Variants in MGAT5B observed in about 807,000 individuals in gnomAD.
The protein encoded by MGAT5B is alpha-1,6-mannosylglycoprotein 6-beta-N-acetylglucosaminyltransferase B.
In MGAT5B, 54 loss-of-function variants were observed where a neutral mutation model predicts 95.1. The observed-to-expected ratio is 0.57, with a 90% CI of 0.46 to 0.71. MGAT5B has a LOEUF of 0.71. Among genes scored for constraint, MGAT5B ranks in the 30% least tolerant of loss-of-function variants. The pLI, the probability that MGAT5B is intolerant of heterozygous loss-of-function variation, is 0.00. For synonymous variants in MGAT5B, 464 were observed against 451.0 expected (o/e 1.03, Z -0.36); for missense variants, 935 against 1,088.6 (o/e 0.86, Z 1.99).
At position 76,949,232 on chromosome 17, in the gene MGAT5B, AG is replaced by A. The variant is rs1396881819; in HGVS notation, c.*397del. 1 of 214,042 alleles carries A rather than the reference AG, an allele frequency of 4.7e-6. No individual in the cohort carries two copies. The highest frequency in any genetic ancestry group is 9.4e-6 in the Non-Finnish European group (1 of 106,650). 13.3% of individuals were successfully genotyped at this position (214,042 alleles called of 1,614,324 possible). ...CCAGGATGGGGCCTCTAGACTTGCA[AG>A]GGAGAGGAACAGGGACCAGGCTGCC... On this transcript the variant is annotated 3_prime_UTR_variant, in exon 18 of 18. Transcript: ENST00000569840.
At chr17:76,880,686 G>A (rs555109422) in intron 2 of MGAT5B, among the ~76,000 whole-genome samples, 2 of 152,356 alleles carry the variant, frequency 1.3e-5, no homozygotes, top group South Asian at 4.1e-4. Flanking sequence ...TCACACAGGG[G>A]TCAGCGGGCA....
Position 76,903,256 on chromosome 17 carries a change from GCTC to G in MGAT5B, c.446-41_446-39del, listed in dbSNP as rs772055122. On this transcript the variant is annotated intron_variant, in intron 4 of 17. Transcript: ENST00000569840. ...CCCGCACGCAGGCCTCCCTCCCTGG[GCTC>G]CTCCTTGGACCAGGGACTTCAGCAA... 3 of 1,501,902 alleles carry G rather than the reference GCTC, an allele frequency of 2.0e-6. No individual in the cohort carries two copies. The Admixed American group carries it at 5.4e-5, about 27-fold the overall frequency. The allele number at this position is 1,501,902 out of a possible 1,614,324, so 93.0% of individuals were successfully genotyped here. A position where few individuals can be genotyped will look rare whatever the true frequency, so the allele number is the denominator to read the frequency against.
intron 2 of MGAT5B, among the ~76,000 whole-genome samples, chr17:76,876,941 C>A (rs1202133360): frequency 2.6e-5 from 4 of 152,208 alleles, no homozygotes; most frequent in Non-Finnish European, 5.9e-5. Flanking sequence ...GTTTCCTGCC[C>A]TTCCAGCCCT....
rs975219498 is a variant in MGAT5B, at chr17:76,912,598, C to T, written c.1025+6411C>T. 1.3e-5 allele frequency among the ~76,000 whole-genome samples: 2 copies of T among 151,812 alleles called. No individual in the cohort carries two copies. Among genetic ancestry groups the T allele is most frequent in the Admixed American group, 6.6e-5 (1 of 15,222 alleles). On this transcript the variant is annotated intron_variant, in intron 8 of 17. Transcript: ENST00000569840. The surrounding 1 kb of genome is among the most constrained non-coding windows in gnomAD (Gnocchi z 5.0). ...CCACTGATGGAGCAACAAGGCTGGA[C>T]GGATGAGCCGGTCCCGCTCTGCTCC...
rs1969135675 is a variant in MGAT5B, at chr17:76,921,900, C to T, written c.1026-3066C>T. Among the ~76,000 whole-genome samples, 4 of 152,182 alleles carry T rather than the reference C, an allele frequency of 2.6e-5. 1 individual carries two copies. In the South Asian group the frequency reaches 8.3e-4, roughly 32 times the overall value. On this transcript the variant is annotated intron_variant, in intron 8 of 17. Coordinates refer to ENST00000569840, the MANE Select transcript of MGAT5B (RefSeq NM_001199172.2). ...GGAACAGGATGAGAATGGGTCTGAT[C>T]TGGTAGGGTAGTTGCTAAGATGAAA...
chr17:76,913,306 A>C (rs1968809867), intron 8 of MGAT5B, among the ~76,000 whole-genome samples: 1 of 152,220 alleles, frequency 6.6e-6, no homozygotes, highest in Non-Finnish European at 1.5e-5. Flanking sequence ...CCCAGAGATC[A>C]GTTCTGGATA....
chr17:76,913,995 G>T (rs1968837203), intron 8 of MGAT5B: 1 of 344,984 alleles, frequency 2.9e-6, no homozygotes, highest in Non-Finnish European at 5.7e-6. Context: ...CAGCTACTCA[G>T]GCGACTGAGG....
chr17:76,921,445 G>C (rs542698852), intron 8 of MGAT5B, among the ~76,000 whole-genome samples: 2 of 151,924 alleles, frequency 1.3e-5, no homozygotes, highest in Non-Finnish European at 2.9e-5. Flanking sequence ...TTGCTCAGCA[G>C]GGGGCCCCTT....
intron 3 of MGAT5B, among the ~76,000 whole-genome samples, chr17:76,900,815 CAA>C (rs1968276366): frequency 6.6e-6 from 1 of 152,190 alleles, no homozygotes; most frequent in Admixed American, 6.5e-5. Flanking sequence ...TTGTTTTTGT[CAA>C]AGTTTGCCTT....
At chr17:76,885,773 C>G (rs1967606737) in intron 3 of MGAT5B, among the ~76,000 whole-genome samples, 1 of 152,210 alleles carries the variant, frequency 6.6e-6, no homozygotes, top group South Asian at 2.1e-4. Flanking sequence ...TGAAAGCCGC[C>G]TGCTCACACG....
rs966155702 is a variant in MGAT5B, at chr17:76,889,240, T to G, written c.329+6942T>G. On this transcript the variant is annotated intron_variant, in intron 3 of 17. Transcript: ENST00000569840. The surrounding 1 kb of genome is among the most constrained non-coding windows in gnomAD (Gnocchi z 4.4). Reference sequence around the variant, plus strand: ...GTGACCTTGGGAAAGCCACTATATCTGCCAGACATCCTGGGACCTTGGGAC... The same window carrying G: ...GTGACCTTGGGAAAGCCACTATATCGGCCAGACATCCTGGGACCTTGGGAC... 1.3e-5 allele frequency among the ~76,000 whole-genome samples: 2 copies of G among 152,138 alleles called. No homozygotes were observed. Among genetic ancestry groups the G allele is most frequent in the Admixed American group, 1.3e-4 (2 of 15,274 alleles).
intron 15 of MGAT5B, 49 bp from the exon 16 acceptor site, chr17:76,946,327 G>GA: frequency 6.6e-7 from 1 of 1,524,868 alleles, no homozygotes; most frequent in Non-Finnish European, 9.0e-7. Flanking sequence ...CAGGGCCCCC[G>GA]ACGGCTGGGC....
intron 8 of MGAT5B, among the ~76,000 whole-genome samples, chr17:76,909,364 G>A (rs776513407): frequency 1.1e-4 from 17 of 152,196 alleles, no homozygotes; most frequent in Non-Finnish European, 2.1e-4. Context: ...CACCACATTT[G>A]ATGAGATTAT....
Position 76,905,189 on chromosome 17 carries a change from G to C in MGAT5B, c.711G>C (p.Leu237=). The change falls in exon 7 of 18, where the codon CTG becomes CTC. Residue 237 remains leucine (L), a synonymous_variant. Transcript: ENST00000569840. This position sits in a 1 kb window ranked among gnomAD's most constrained non-coding sequence, Gnocchi z 4.2. The part of the protein sequence containing the change: ...PKVQAVFRSN[L]SHLLDLMGSG... ...TCCAGGCAGTTTTCCGAAGCAACCT[G>C]TCCCACCTTCTGGACCTGATGGGCA... The C allele has an allele frequency of 2.5e-6, 4 of 1,612,356 alleles. No homozygotes were observed. The highest frequency in any genetic ancestry group is 3.4e-6 in the Non-Finnish European group (4 of 1,178,702).
rs1968930665 is a variant in MGAT5B, at chr17:76,916,191, C to T, written c.1026-8775C>T. Among the ~76,000 whole-genome samples the T allele has an allele frequency of 6.6e-6, 1 of 150,900 alleles. No individual in the cohort carries two copies. Among genetic ancestry groups the T allele is most frequent in the Non-Finnish European group, 1.5e-5 (1 of 67,940 alleles). On this transcript the variant is annotated intron_variant, in intron 8 of 17. Transcript: ENST00000569840. This position sits in a 1 kb window ranked among gnomAD's most constrained non-coding sequence, Gnocchi z 5.3. Reference sequence around the variant, plus strand: ...TCCACATAGCTGCACTGCCCTGGCCCCTGCCCTTCATTCTTCCTCGGGATC... The same window carrying T: ...TCCACATAGCTGCACTGCCCTGGCCTCTGCCCTTCATTCTTCCTCGGGATC...
In MGAT5B at chr17:76,949,009, G is replaced by A. The variant is rs1970124358; in HGVS notation, c.*171G>A. 1.3e-6 allele frequency: 1 copy of A among 783,752 alleles called. No individual in the cohort carries two copies. Among genetic ancestry groups the A allele is most frequent in the Non-Finnish European group, 2.0e-6 (1 of 504,710 alleles). 48.5% of individuals were successfully genotyped at this position (783,752 alleles called of 1,614,324 possible). A position where few individuals can be genotyped will look rare whatever the true frequency, so the allele number is the denominator to read the frequency against. ...AGGAGAGCCGTGCCCGGGAATAGGAGGAGGCAGCATGCCGAGCCCCTGGGA... is the reference window on the plus strand; with the variant it reads ...AGGAGAGCCGTGCCCGGGAATAGGAAGAGGCAGCATGCCGAGCCCCTGGGA... On this transcript the variant is annotated 3_prime_UTR_variant, in exon 18 of 18. Transcript: ENST00000569840.
chr17:76,924,681 C>T (rs905634077), intron 8 of MGAT5B, among the ~76,000 whole-genome samples: 1 of 152,230 alleles, frequency 6.6e-6, no homozygotes, highest in African/African-American at 2.4e-5. Flanking sequence ...CCTGCGGGAG[C>T]ACATTTGTGT....
chr17:76,928,908 C>T (rs868700895), intron 10 of MGAT5B, among the ~76,000 whole-genome samples: 5 of 150,690 alleles, frequency 3.3e-5, no homozygotes, highest in South Asian at 4.2e-4. Flanking sequence ...CTCTGTCACT[C>T]AGGCTGGAGT....
chr17:76,936,135 C>T (rs536515751), intron 12 of MGAT5B, among the ~76,000 whole-genome samples: 2 of 151,830 alleles, frequency 1.3e-5, no homozygotes, highest in Admixed American at 1.3e-4. Context: ...CAGCCGGGAA[C>T]GGTGGCTCAC....
Sources: gnomAD v4.1 joint callset for allele counts (sites outside exome capture counted in the v4.1 genomes callset) on GRCh38, gnomAD v4.1.1 for gene constraint, Gnocchi (gnomAD v3.1) non-coding constraint, MANE v1.5 for transcripts, NCBI Gene and HGNC (gene_info 2026-07-23, HGNC 2026-07-21) for gene names.